SLC2A4RG: variants seen among roughly 807,000 people sequenced by gnomAD.
SLC2A4RG encodes GLUT4 enhancer factor.
A neutral mutation model predicts 35.5 loss-of-function variants in SLC2A4RG; 23 were observed. That is an observed-to-expected ratio of 0.65 (90% CI 0.47 to 0.92). The LOEUF (loss-of-function observed/expected upper bound fraction) is 0.92, where lower values mean the gene tolerates loss of function less well. Ranked by LOEUF, SLC2A4RG falls within the 40% of genes least tolerant of loss-of-function variation. The pLI is 0.00. For synonymous variants in SLC2A4RG, 306 were observed against 243.7 expected (o/e 1.26, Z -2.38); for missense variants, 539 against 525.0 (o/e 1.03, Z -0.26).
Position 63,742,579 on chromosome 20 carries a change from T to TC in SLC2A4RG, c.924_925insC (p.Asn309GlnfsTer8). 3 of 1,579,212 alleles carry TC rather than the reference T, an allele frequency of 1.9e-6. No homozygotes were observed. Among genetic ancestry groups the TC allele is most frequent in the Non-Finnish European group, 2.6e-6 (3 of 1,159,330 alleles). On this transcript the variant is annotated frameshift_variant, in exon 6 of 8. Transcript: ENST00000266077. LOFTEE classifies it high-confidence loss of function. ...CGCCCCCTGTCCTGAGCACCGTTGC[T>TC]AACCCCCAGTCCTGTCACAGTGACC...
Position 63,742,404 on chromosome 20 carries a change from T to G in SLC2A4RG, c.749T>G (p.Val250Gly). Reference sequence around the variant, plus strand: ...TACTACACAGAGCTGGATGTTGGTGTGGACACGCTGACCGACGGGCTGTCC... The same window carrying G: ...TACTACACAGAGCTGGATGTTGGTGGGGACACGCTGACCGACGGGCTGTCC... Reference protein sequence around the residue: ...DFYYTELDVGVDTLTDGLSSL... With the variant: ...DFYYTELDVGGDTLTDGLSSL... Residue 250 changes from valine to glycine, a missense_variant, in exon 6 of 8, where the codon GTG (valine) becomes GGG (glycine). Val to Gly is a moderately radical substitution (Grantham distance 109). Coordinates refer to ENST00000266077, the MANE Select transcript of SLC2A4RG (RefSeq NM_020062.4). 6.2e-7 allele frequency: 1 copy of G among 1,611,428 alleles called. No individual in the cohort carries two copies.
Position 63,743,967 on chromosome 20 carries a change from T to C in SLC2A4RG, c.*977T>C, listed in dbSNP as rs1374686474. ...ATCCCCAGAAAAAAATCAACAATCT[T>C]CAAACACTGCCCTTTTTTTGTGTGT... On this transcript the variant is annotated 3_prime_UTR_variant, in exon 8 of 8. Coordinates refer to ENST00000266077, the MANE Select transcript of SLC2A4RG (RefSeq NM_020062.4). 1 of 152,732 alleles carries C rather than the reference T, an allele frequency of 6.5e-6. No homozygotes were observed. Among genetic ancestry groups the C allele is most frequent in the East Asian group, 1.9e-4 (1 of 5,330 alleles). 9.5% of individuals were successfully genotyped at this position (152,732 alleles called of 1,614,324 possible).
rs982342060 is a variant in SLC2A4RG at position 63,743,324 on chromosome 20, G to T, written c.*334G>T. ...TCAAGGGTGTTATGGGCCCAGCTTT[G>T]GGGGGCCAGTCCCGATGCACTTTGA... On this transcript the variant is annotated 3_prime_UTR_variant, in exon 8 of 8. Transcript: ENST00000266077. The T allele has an allele frequency of 1.4e-5, 3 of 222,168 alleles. No homozygotes were observed. Among genetic ancestry groups the T allele is most frequent in the African/African-American group, 6.8e-5 (3 of 44,006 alleles). The allele number at this position is 222,168 out of a possible 1,614,324, so 13.8% of individuals were successfully genotyped here.
Position 63,743,077 on chromosome 20 carries a change from C to A in SLC2A4RG, c.*87C>A. 1 of 705,682 alleles carries A rather than the reference C, an allele frequency of 1.4e-6. No homozygotes were observed. The highest frequency in any genetic ancestry group is 1.9e-6 in the Non-Finnish European group (1 of 520,630). 43.7% of individuals were successfully genotyped at this position (705,682 alleles called of 1,614,324 possible). A position where few individuals can be genotyped will look rare whatever the true frequency, so the allele number is the denominator to read the frequency against. On this transcript the variant is annotated 3_prime_UTR_variant, in exon 8 of 8. Transcript: ENST00000266077. ...GGCTGAAACAGCCCGAGGACAGCCC[C>A]AGGGGCTGGCTTTCACCAGCTGCAG... is the stretch of plus-strand genomic sequence containing the variant.
chr20:63,739,817 G>T lies in SLC2A4RG; in HGVS notation c.-96G>T. 1 of 975,354 alleles carries T rather than the reference G, an allele frequency of 1.0e-6. No homozygotes were observed. The highest frequency in any genetic ancestry group is 1.2e-6 in the Non-Finnish European group (1 of 825,226). 60.4% of individuals were successfully genotyped at this position (975,354 alleles called of 1,614,324 possible). The stretch of plus-strand genomic sequence containing the variant: ...GGCGCGGGCGGCGGCCGGATCCAGG[G>T]CGGGGGTCGGCGGCCCGGCCAGCCC... On this transcript the variant is annotated 5_prime_UTR_variant, in exon 1 of 8. Transcript: ENST00000266077.
In SLC2A4RG at chr20:63,742,978, G is replaced by C; in HGVS notation, c.1152G>C (p.Arg384=). The change falls in exon 8 of 8, where the codon CGG becomes CGC. Residue 384 remains arginine, a synonymous_variant. Coordinates refer to ENST00000266077, the MANE Select transcript of SLC2A4RG (RefSeq NM_020062.4). ...GCCGCTGGAAGAAAGCCTGCCAGCG[G>C]TTCCTGGACTAAGTCCGGCTCGTTC... ...TACRWKKACQ[R]FLD The C allele has an allele frequency of 6.2e-7, 1 of 1,610,522 alleles. No individual in the cohort carries two copies. The highest frequency in any genetic ancestry group is 8.5e-7 in the Non-Finnish European group (1 of 1,178,540).
rs1397056285 is a variant in SLC2A4RG at position 63,743,978 on chromosome 20, C to T, written c.*988C>T. 1 of 152,412 alleles carries T rather than the reference C, an allele frequency of 6.6e-6. No individual in the cohort carries two copies. The highest frequency in any genetic ancestry group is 1.5e-5 in the Non-Finnish European group (1 of 68,026). 9.4% of individuals were successfully genotyped at this position (152,412 alleles called of 1,614,324 possible). A position where few individuals can be genotyped will look rare whatever the true frequency, so the allele number is the denominator to read the frequency against. On this transcript the variant is annotated 3_prime_UTR_variant, in exon 8 of 8. Transcript: ENST00000266077. ...AAAATCAACAATCTTCAAACACTGC[C>T]CTTTTTTTGTGTGTTTTGTTTTTGT...
intron 1 of SLC2A4RG, 147 bp downstream of exon 1, chr20:63,740,185 G>A (rs1299752126): frequency 2.6e-6 from 1 of 384,110 alleles, no homozygotes; most frequent in East Asian, 1.6e-4. Flanking sequence ...GTCCCGCCGG[G>A]GCTGCGCCGG....
chr20:63,742,723 G>C lies in SLC2A4RG; in HGVS notation c.985G>C (p.Glu329Gln). 6.3e-7 allele frequency: 1 copy of C among 1,598,196 alleles called. No homozygotes were observed. Among genetic ancestry groups the C allele is most frequent in the Non-Finnish European group, 8.5e-7 (1 of 1,173,570 alleles). Residue 329 changes from glutamate to glutamine, a missense_variant, in exon 7 of 8, where the codon GAG (glutamate) becomes CAG (glutamine). Glu to Gln is a conservative substitution (Grantham distance 29, BLOSUM62 2). Transcript: ENST00000266077. ...GGGCTGCCTGACGCCCGCCCGCCTGGAGCCGCAGCCCACGGAGGTCGGAGC... is the reference window on the plus strand; with the variant it reads ...GGGCTGCCTGACGCCCGCCCGCCTGCAGCCGCAGCCCACGGAGGTCGGAGC... ...YQGCLTPARL[E>Q]PQPTEVGACP...
intron 2 of SLC2A4RG, 49 bp downstream of exon 2, chr20:63,740,580 G>T: frequency 1.6e-6 from 2 of 1,226,500 alleles, no homozygotes; most frequent in Non-Finnish European, 2.0e-6. Context: ...CAGGGGCGGT[G>T]GGTGGGGTGC....
Position 63,742,135 on chromosome 20 carries a change from G to A in SLC2A4RG, c.585G>A (p.Pro195=), listed in dbSNP as rs370908215. Residue 195 remains proline, a synonymous_variant, in exon 5 of 8, where the codon CCG becomes CCA. Transcript: ENST00000266077. ...CCTGGCCCCTGTTGCTGCAGAGCCCGGCCCAGGTCATGTTCCAGTGTCTGT... is the reference window on the plus strand; with the variant it reads ...CCTGGCCCCTGTTGCTGCAGAGCCCAGCCCAGGTCATGTTCCAGTGTCTGT... ...GEPTLRKRKS[P]AQVMFQCLWK... is the part of the protein sequence containing the mutation. The A allele has an allele frequency of 1.6e-5, 26 of 1,603,762 alleles. No individual in the cohort carries two copies. The highest frequency in any genetic ancestry group is 6.7e-5 in the South Asian group (6 of 89,838).
chr20:63,740,157 G>T (rs1449606126), intron 1 of SLC2A4RG, 119 bp downstream of exon 1: 1 of 450,886 alleles, frequency 2.2e-6, no homozygotes, highest in Non-Finnish European at 2.9e-6. Context: ...GGCCGCGTCG[G>T]TCCGCGCGTG....
At chr20:63,740,125 G>A in intron 1 of SLC2A4RG, 87 bp downstream of exon 1, 12 of 695,008 alleles carry the variant, frequency 1.7e-5, no homozygotes, top group Non-Finnish European at 1.9e-5. Context: ...CGGGCCCCCG[G>A]GGGCGGGGCA....
chr20:63,743,358 G>A lies in SLC2A4RG; in HGVS notation c.*368G>A, dbSNP rs947124649. 2.1e-5 allele frequency: 4 copies of A among 187,536 alleles called. No homozygotes were observed. In the Admixed American group the frequency reaches 2.1e-4, roughly 10 times the overall value. 11.6% of individuals were successfully genotyped at this position (187,536 alleles called of 1,614,324 possible). ...GTCCCGATGCACTTTGAGGGGTGTTGGAGAGGGGACTCCCCCACTCGCACT... is the reference window on the plus strand; with the variant it reads ...GTCCCGATGCACTTTGAGGGGTGTTAGAGAGGGGACTCCCCCACTCGCACT... On this transcript the variant is annotated 3_prime_UTR_variant, in exon 8 of 8. Transcript: ENST00000266077.
At chr20:63,741,018 G>C (rs2092038866) in intron 2 of SLC2A4RG, among the ~76,000 whole-genome samples, 1 of 152,214 alleles carries the variant, frequency 6.6e-6, no homozygotes. Context: ...GCCCACAGCT[G>C]CTGTTGCACA....
chr20:63,740,546 C>T lies in SLC2A4RG; in HGVS notation c.281+15C>T. 1 of 1,228,684 alleles carries T rather than the reference C, an allele frequency of 8.1e-7. No homozygotes were observed. The highest frequency in any genetic ancestry group is 1.0e-6 in the Non-Finnish European group (1 of 985,804). The allele number at this position is 1,228,684 out of a possible 1,614,324, so 76.1% of individuals were successfully genotyped here. A position where few individuals can be genotyped will look rare whatever the true frequency, so the allele number is the denominator to read the frequency against. On this transcript the variant is annotated intron_variant, in intron 2 of 7. Transcript: ENST00000266077. ...CCAGCGCAGAGGTGAGCGGGAGGCC[C>T]GGTGCCTCGGGACTCGGTGTGCGCA...
At position 63,742,770 on chromosome 20, in the gene SLC2A4RG, C is replaced by T; in HGVS notation, c.1032C>T (p.Ser344=). The T allele has an allele frequency of 6.3e-7, 1 of 1,592,128 alleles. No individual in the cohort carries two copies. The highest frequency in any genetic ancestry group is 1.3e-5 in the African/African-American group (1 of 74,696). ...GAGCCTGCCCACCCGCCTTGTCCTCCAGGATCGGAGTCACCCTGAGGTGCG... is the reference window on the plus strand; with the variant it reads ...GAGCCTGCCCACCCGCCTTGTCCTCTAGGATCGGAGTCACCCTGAGGTGCG... The part of the protein sequence containing the change: ...EVGACPPALS[S]RIGVTLRKPR... Residue 344 remains serine (S), a synonymous_variant, in exon 7 of 8, where the codon TCC becomes TCT. Coordinates refer to ENST00000266077, the MANE Select transcript of SLC2A4RG (RefSeq NM_020062.4).
chr20:63,742,528 G>T lies in SLC2A4RG; in HGVS notation c.873G>T (p.Leu291=). The change falls in exon 6 of 8, where the codon CTG becomes CTT. Residue 291 remains leucine, a synonymous_variant. Coordinates refer to ENST00000266077, the MANE Select transcript of SLC2A4RG (RefSeq NM_020062.4). ...LLEPPALPSP[L]RPPAPPLPPP... is the part of the protein sequence containing the mutation. ...AGCCCCCAGCCCTGCCTAGTCCCCTGCGGCCGCCTGCCCCGCCCCTGCCCC... is the reference window on the plus strand; with the variant it reads ...AGCCCCCAGCCCTGCCTAGTCCCCTTCGGCCGCCTGCCCCGCCCCTGCCCC... 1.3e-6 allele frequency: 2 copies of T among 1,560,254 alleles called. No homozygotes were observed. Among genetic ancestry groups the T allele is most frequent in the Non-Finnish European group, 1.7e-6 (2 of 1,152,506 alleles).
In SLC2A4RG at chr20:63,740,295, C is replaced by G. The variant is rs940043859; in HGVS notation, c.127-82C>G. The G allele has an allele frequency of 5.4e-5, 52 of 964,032 alleles. No individual in the cohort carries two copies. The African/African-American group carries it at 7.7e-4, about 14-fold the overall frequency. 59.7% of individuals were successfully genotyped at this position (964,032 alleles called of 1,614,324 possible). Reference sequence around the variant, plus strand: ...CGCAGCCGGTTTTCGAGGCGGGCGCCGAGCGGATCCGCGGCGGAGGTTGAG... The same window carrying G: ...CGCAGCCGGTTTTCGAGGCGGGCGCGGAGCGGATCCGCGGCGGAGGTTGAG... On this transcript the variant is annotated intron_variant, in intron 1 of 7. Transcript: ENST00000266077.
Sources: allele counts gnomAD v4.1 joint callset (sites outside exome capture counted in the v4.1 genomes callset), GRCh38; gene constraint gnomAD v4.1.1; transcripts MANE v1.5; gene names NCBI Gene and HGNC (gene_info 2026-07-23, HGNC 2026-07-21).